Variants in STX18 observed in about 807,000 individuals in gnomAD.
STX18 encodes the protein syntaxin-18.
Under a neutral mutation model 50.1 loss-of-function variants are expected in STX18, and 40 were observed. That is an observed-to-expected ratio of 0.80 (90% CI 0.62 to 1.04). The LOEUF (loss-of-function observed/expected upper bound fraction) is 1.04, where lower values mean the gene tolerates loss of function less well. STX18 is among the 50% of genes least tolerant of loss of function. The pLI, the probability that STX18 is intolerant of heterozygous loss-of-function variation, is 0.00. For missense variants in STX18, 410 were observed against 415.8 expected, an observed-to-expected ratio of 0.99 and a Z score of 0.12; for synonymous variants, 158 against 151.8, an observed-to-expected ratio of 1.04 and a Z score of -0.30.
chr4:4,458,257 TA>T (rs1384541976), intron 3 of STX18, among the ~76,000 whole-genome samples: 1 of 152,212 alleles, frequency 6.6e-6, no homozygotes, highest in African/African-American at 2.4e-5. Context: ...TATGTAAATG[TA>T]GGTTTTGTTA....
intron 1 of STX18, among the ~76,000 whole-genome samples, chr4:4,533,574 T>C (rs1158228044): frequency 6.6e-6 from 1 of 152,214 alleles, no homozygotes; most frequent in Non-Finnish European, 1.5e-5. Flanking sequence ...TTACAGTGCT[T>C]ACAACAAATT....
At chr4:4,446,054 A>G (rs1726388492) in intron 5 of STX18, among the ~76,000 whole-genome samples, 1 of 152,212 alleles carries the variant, frequency 6.6e-6, no homozygotes, top group Non-Finnish European at 1.5e-5. Flanking sequence ...TTTGATGACG[A>G]TGCCAGGTCA....
intron 1 of STX18, among the ~76,000 whole-genome samples, chr4:4,527,867 C>CATATATATATATATATATAT (rs1553851958): frequency 3.6e-5 from 5 of 137,206 alleles, no homozygotes; most frequent in African/African-American, 1.3e-4. Context: ...CACACACACA[C>CATATATATATATATATATAT]ATATATATAT....
intron 1 of STX18, among the ~76,000 whole-genome samples, chr4:4,510,734 C>T (rs1729961606): frequency 6.6e-6 from 1 of 152,104 alleles, no homozygotes; most frequent in Admixed American, 6.5e-5. Context: ...TTTACAATGG[C>T]AAAGACATGG....
chr4:4,432,548 C>T (rs1208894023), intron 7 of STX18, among the ~76,000 whole-genome samples: 1 of 152,204 alleles, frequency 6.6e-6, no homozygotes, highest in Non-Finnish European at 1.5e-5. Flanking sequence ...GTTGCATGCA[C>T]CTCATGGGCC....
chr4:4,496,473 AT>A (rs978290395), intron 1 of STX18, among the ~76,000 whole-genome samples: 1 of 152,022 alleles, frequency 6.6e-6, no homozygotes, highest in Admixed American at 6.5e-5. Flanking sequence ...CGCTCACCCC[AT>A]CAGCCTCGCT....
At chr4:4,499,242 T>G (rs1049744070) in intron 1 of STX18, among the ~76,000 whole-genome samples, 2 of 152,210 alleles carry the variant, frequency 1.3e-5, no homozygotes, top group African/African-American at 4.8e-5. Flanking sequence ...AAGCCATAAT[T>G]GTAATGTGGA....
intron 1 of STX18, among the ~76,000 whole-genome samples, chr4:4,489,594 CTTCT>C (rs1044276851): frequency 9.2e-5 from 14 of 151,452 alleles, no homozygotes; most frequent in Admixed American, 2.6e-4. Flanking sequence ...TTTCTAACAT[CTTCT>C]TTGTTTGGAA....
At position 4,425,171 on chromosome 4, in the gene STX18, C is replaced by T; in HGVS notation, c.754G>A (p.Glu252Lys). The T allele has an allele frequency of 6.2e-7, 1 of 1,614,068 alleles. No homozygotes were observed. The highest frequency in any genetic ancestry group is 8.5e-7 in the Non-Finnish European group (1 of 1,179,900). Reference protein sequence around the residue: ...LIGEMNSLFDEVRQIEGRVVE... With the variant: ...LIGEMNSLFDKVRQIEGRVVE... ...GAGGAGCTACAAACATACCTCACTT[C>T]ATCAAACAAGCTGTTCATTTCACCA... The change falls in exon 8 of 11, where the codon GAA becomes AAA. Residue 252 changes from glutamate to lysine, a missense_variant. Transcript: ENST00000306200.
chr4:4,441,407 C>A (rs922629949), intron 5 of STX18, among the ~76,000 whole-genome samples: 1 of 152,090 alleles, frequency 6.6e-6, no homozygotes, highest in African/African-American at 2.4e-5. Context: ...ATATTCACCA[C>A]AAAACTGCTT....
intron 1 of STX18, among the ~76,000 whole-genome samples, chr4:4,517,996 A>T (rs575956767): frequency 6.6e-6 from 1 of 152,206 alleles, no homozygotes; most frequent in South Asian, 2.1e-4. Flanking sequence ...GCTGGTCTCA[A>T]ACTCCTGACC....
intron 1 of STX18, among the ~76,000 whole-genome samples, chr4:4,506,921 G>A (rs78539156): frequency 5.4e-4 from 83 of 152,322 alleles, no homozygotes; most frequent in Middle Eastern, 3.4e-3. Flanking sequence ...AAATTAAACT[G>A]TGGATAACAT....
At chr4:4,465,264 C>A (rs1727565187) in intron 2 of STX18, among the ~76,000 whole-genome samples, 1 of 152,100 alleles carries the variant, frequency 6.6e-6, no homozygotes, top group South Asian at 2.1e-4. Context: ...CAAAGGGATA[C>A]AAATCATTCT....
chr4:4,439,132 T>C lies in STX18; in HGVS notation c.498-623A>G, dbSNP rs187325092. On this transcript the variant is annotated intron_variant, in intron 5 of 10. Coordinates refer to ENST00000306200, the MANE Select transcript of STX18 (RefSeq NM_016930.4). ...CATACCCCCACATGTATACACACAATATATATACCACATATATATACCCCC... is the reference window on the plus strand; with the variant it reads ...CATACCCCCACATGTATACACACAACATATATACCACATATATATACCCCC... Among the ~76,000 whole-genome samples, 305 of 96,146 alleles carry C rather than the reference T, an allele frequency of 3.2e-3. 5 individuals carry two copies. Among genetic ancestry groups the C allele is most frequent in the Non-Finnish European group, 9.2e-4 (49 of 53,306 alleles). 63.1% of individuals were successfully genotyped at this position (96,146 alleles called of 152,430 possible). A position where few individuals can be genotyped will look rare whatever the true frequency, so the allele number is the denominator to read the frequency against.
intron 2 of STX18, among the ~76,000 whole-genome samples, chr4:4,464,925 T>C (rs935779378): frequency 4.6e-5 from 7 of 152,076 alleles, no homozygotes; most frequent in African/African-American, 1.4e-4. Context: ...TGTGTGTCTC[T>C]ATCTCCTTTA....
At chr4:4,473,519 T>A (rs34366541) in intron 1 of STX18, among the ~76,000 whole-genome samples, 25,383 of 151,942 alleles carry the variant, frequency 0.17, 2,370 homozygotes, top group South Asian at 0.28. Context: ...GGTCCCGATC[T>A]CCGGACCTCG....
chr4:4,511,713 AGTGTGTGTGTGTGTGTGTGTGTGTGT>A (rs3038434), intron 1 of STX18, among the ~76,000 whole-genome samples: 1 of 137,420 alleles, frequency 7.3e-6, no homozygotes, highest in East Asian at 2.2e-4. Context: ...ACTCATGATT[AGTGTGTGTGTGTGTGTGTGTGTGTGT>A]GTGTGTGTGT....
At chr4:4,486,978 T>C (rs1728725952) in intron 1 of STX18, among the ~76,000 whole-genome samples, 1 of 152,158 alleles carries the variant, frequency 6.6e-6, no homozygotes, top group Non-Finnish European at 1.5e-5. Flanking sequence ...TGACAAAAGC[T>C]ATGAATCTGA....
chr4:4,528,353 C>T (rs1313949678), intron 1 of STX18, among the ~76,000 whole-genome samples: 2 of 152,034 alleles, frequency 1.3e-5, no homozygotes, highest in Admixed American at 1.3e-4. Flanking sequence ...AGCGCTGTCC[C>T]CTTGGTGATA....
Sources: gnomAD v4.1 joint callset for allele counts (sites outside exome capture counted in the v4.1 genomes callset) on GRCh38, gnomAD v4.1.1 for gene constraint, MANE v1.5 for transcripts, NCBI Gene and HGNC (gene_info 2026-07-23, HGNC 2026-07-21) for gene names.